Variants in YIPF3 observed in about 807,000 individuals in gnomAD.
YIPF3 encodes the protein protein YIPF3.
YIPF3 carries 18 observed loss-of-function variants against 40.3 expected under a neutral mutation model. The ratio of observed to expected loss-of-function variants is 0.45; its 90% confidence interval spans 0.31 to 0.66. The LOEUF is 0.66. YIPF3 is among the 30% of genes least tolerant of loss of function. YIPF3 has a pLI of 0.07. For missense variants in YIPF3, 406 were observed against 452.2 expected (o/e 0.90, Z 0.93); for synonymous variants, 190 against 179.6 (o/e 1.06, Z -0.46).
At position 43,515,905 on chromosome 6, in the gene YIPF3, C is replaced by T. The variant is rs1248033786; in HGVS notation, c.272G>A (p.Arg91Gln). 5 of 1,598,118 alleles carry T rather than the reference C, an allele frequency of 3.1e-6. No individual in the cohort carries two copies. Among genetic ancestry groups the T allele is most frequent in the African/African-American group, 2.7e-5 (2 of 74,294 alleles). ...GMKGFKGQLS[R>Q]QVADQMWQAG... is the part of the protein sequence containing the mutation. ...CTTGCTTACCTGATCTGCCACCTGC[C>T]GGCTCAGCTGTCCCTTAAAGCCCTT... Residue 91 changes from arginine to glutamine, a missense_variant, in exon 2 of 9, where the codon CGG (arginine) becomes CAG (glutamine). Coordinates refer to ENST00000372422, the MANE Select transcript of YIPF3 (RefSeq NM_015388.4).
chr6:43,513,076 G>A lies in YIPF3; in HGVS notation c.659C>T (p.Ala220Val). ...CCACACCTGGCTCCTTACCAGCAGT[G>A]CCAACATCTGCAGCATGGTGATCTG... ...NAQITMLQML[A>V]LLGYGLFGHC... Residue 220 changes from alanine (A) to valine (V), a missense_variant, in exon 6 of 9, where the codon GCA (alanine) becomes GTA (valine). Physicochemically the swap from Ala to Val is moderately conservative, Grantham distance 64 (BLOSUM62 0). Coordinates refer to ENST00000372422, the MANE Select transcript of YIPF3 (RefSeq NM_015388.4). The A allele has an allele frequency of 6.2e-7, 1 of 1,614,014 alleles. No individual in the cohort carries two copies. The highest frequency in any genetic ancestry group is 8.5e-7 in the Non-Finnish European group (1 of 1,180,018).
chr6:43,512,982 C>T, intron 6 of YIPF3, 87 bp downstream of exon 6: 4 of 1,594,694 alleles, frequency 2.5e-6, no homozygotes, highest in Non-Finnish European at 3.4e-6. Context: ...CCTCCCATTC[C>T]AGGCTTTGGG....
At chr6:43,514,655 C>T (rs1234626873) in intron 3 of YIPF3, among the ~76,000 whole-genome samples, 1 of 152,208 alleles carries the variant, frequency 6.6e-6, no homozygotes, top group Non-Finnish European at 1.5e-5. Flanking sequence ...AAGAGCAAGG[C>T]TCCCATCTAT....
intron 3 of YIPF3, among the ~76,000 whole-genome samples, chr6:43,514,938 G>C (rs187765327): frequency 6.6e-6 from 1 of 151,878 alleles, no homozygotes; most frequent in East Asian, 1.9e-4. Flanking sequence ...AAGATTCCAG[G>C]AATAAGAAAG....
Position 43,516,728 on chromosome 6 carries a change from T to G in YIPF3, c.80A>C (p.Gln27Pro). The G allele has an allele frequency of 6.2e-7, 1 of 1,612,904 alleles. No individual in the cohort carries two copies. Among genetic ancestry groups the G allele is most frequent in the Non-Finnish European group, 8.5e-7 (1 of 1,179,750 alleles). The change falls in exon 1 of 9, where the codon CAG (glutamine) becomes CCG (proline). Residue 27 changes from glutamine to proline, a missense_variant and splice_region_variant. By Grantham distance (76) the Gln-to-Pro change is moderately conservative. Transcript: ENST00000372422. ...PEWGGFEENIQGGGSAVIDME... is the reference protein window; with the variant it reads ...PEWGGFEENIPGGGSAVIDME... ...CAGCTGGTGCCTTGGGGCCATTACC[T>G]GGATGTTTTCTTCGAACCCTCCCCA...
Position 43,512,489 on chromosome 6 carries a change from G to T in YIPF3, c.855C>A (p.His285Gln). ...LLLCGTLAAL[H>Q]MLFLLYLHFA... ...AATGCAGATAGAGCAGGAAGAGCATGTGTAGGGCAGCCAGGGTGCCACAGA... is the reference window on the plus strand; with the variant it reads ...AATGCAGATAGAGCAGGAAGAGCATTTGTAGGGCAGCCAGGGTGCCACAGA... The change falls in exon 8 of 9, where the codon CAC (histidine) becomes CAA (glutamine). Residue 285 changes from histidine (H) to glutamine (Q), a missense_variant. Coordinates refer to ENST00000372422, the MANE Select transcript of YIPF3 (RefSeq NM_015388.4). The T allele has an allele frequency of 4.3e-6, 7 of 1,613,910 alleles. No homozygotes were observed. The highest frequency in any genetic ancestry group is 5.9e-6 in the Non-Finnish European group (7 of 1,180,022).
intron 4 of YIPF3, 26 bp downstream of exon 4, chr6:43,513,562 C>A (rs1792714194): frequency 1.9e-6 from 3 of 1,593,166 alleles, no homozygotes; most frequent in African/African-American, 1.3e-5. Flanking sequence ...TCCCCCGGCT[C>A]TCCAGACATG....
At chr6:43,514,354 G>A (rs1792732155) in intron 3 of YIPF3, among the ~76,000 whole-genome samples, 1 of 152,148 alleles carries the variant, frequency 6.6e-6, no homozygotes, top group Admixed American at 6.5e-5. Flanking sequence ...TAGATGGAAA[G>A]TTTAGAATGA....
rs1311129243 is a variant in YIPF3, at chr6:43,511,942, A to T, written c.*225T>A. On this transcript the variant is annotated 3_prime_UTR_variant, in exon 9 of 9. Coordinates refer to ENST00000372422, the MANE Select transcript of YIPF3 (RefSeq NM_015388.4). ...TGGGGAGGGGTTCTCAAAGGAGCTG[A>T]CCCATTTTCTGCATTGGCTGCAGAG... 11 of 606,840 alleles carry T rather than the reference A, an allele frequency of 1.8e-5. No homozygotes were observed. The highest frequency in any genetic ancestry group is 3.0e-5 in the Non-Finnish European group (11 of 362,886). The allele number at this position is 606,840 out of a possible 1,614,324, so 37.6% of individuals were successfully genotyped here. A position where few individuals can be genotyped will look rare whatever the true frequency, so the allele number is the denominator to read the frequency against.
At chr6:43,516,651 G>A in intron 1 of YIPF3, 76 bp downstream of exon 1, 1 of 1,547,100 alleles carries the variant, frequency 6.5e-7, no homozygotes. Context: ...TCCAGGCCCA[G>A]AGGGGGAATC....
rs755479174 is a variant in YIPF3 at position 43,516,033 on chromosome 6, C to T, written c.144G>A (p.Glu48=). 22 of 1,614,138 alleles carry T rather than the reference C, an allele frequency of 1.4e-5. No homozygotes were observed. Among genetic ancestry groups the T allele is most frequent in the Non-Finnish European group, 1.8e-5 (21 of 1,180,056 alleles). ...GGCGCTGATGCAGCTCACCCATATC[C>T]TCGAAGCTAGAGCCTGAGGTATCAT... The part of the protein sequence containing the change: ...NMDDTSGSSF[E]DMGELHQRLR... Residue 48 remains glutamate (E), a synonymous_variant, in exon 2 of 9, where the codon GAG becomes GAA. Transcript: ENST00000372422.
intron 3 of YIPF3, among the ~76,000 whole-genome samples, chr6:43,514,306 G>A (rs987665313): frequency 6.6e-6 from 1 of 152,110 alleles, no homozygotes; most frequent in Non-Finnish European, 1.5e-5. Flanking sequence ...CAGAATTCAG[G>A]GTTATAATGA....
In YIPF3 at chr6:43,516,786, C is replaced by T. The variant is rs1303504593; in HGVS notation, c.22G>A (p.Ala8Thr). The T allele has an allele frequency of 1.9e-6, 3 of 1,584,218 alleles. No individual in the cohort carries two copies. In the Admixed American group the frequency reaches 5.4e-5, roughly 28 times the overall value. The change falls in exon 1 of 9, where the codon GCG (alanine) becomes ACG (threonine). Residue 8 changes from alanine (A) to threonine (T), a missense_variant. Transcript: ENST00000372422. ...CCAGCTCCATTTCGGGCGCCGCCCG[C>T]CGGCGCCGCTGTAGTTGCCATGTCC... The part of the protein sequence containing the change: MATTAAP[A>T]GGARNGAGPE...
chr6:43,516,469 C>G, intron 1 of YIPF3: 1 of 619,362 alleles, frequency 1.6e-6, no homozygotes, highest in Non-Finnish European at 2.8e-6. Context: ...TTACCCCGAC[C>G]AACCTCCTAA....
In YIPF3 at chr6:43,513,359, G is replaced by C. The variant is rs370055930; in HGVS notation, c.534C>G (p.Ile178Met). The C allele has an allele frequency of 9.3e-6, 15 of 1,614,042 alleles. No homozygotes were observed. The highest frequency in any genetic ancestry group is 1.1e-5 in the Non-Finnish European group (13 of 1,180,008). ...LHGMKTSDTI[I>M]REGTLMGTAI... ...CCCCAAAGTTGTCTGTCCTGCTTAC[G>C]ATAATAGTGTCAGACGTCTTCATCC... Residue 178 changes from isoleucine to methionine, a missense_variant and splice_region_variant, in exon 5 of 9, where the codon ATC becomes ATG. Ile to Met is a conservative substitution (Grantham distance 10, BLOSUM62 1). Coordinates refer to ENST00000372422, the MANE Select transcript of YIPF3 (RefSeq NM_015388.4).
At chr6:43,514,091 A>C (rs1792725688) in intron 3 of YIPF3, among the ~76,000 whole-genome samples, 1 of 152,202 alleles carries the variant, frequency 6.6e-6, no homozygotes, top group African/African-American at 2.4e-5. Flanking sequence ...AATACAAAAA[A>C]TTAGCTGGGC....
In YIPF3 at chr6:43,516,042, A is replaced by G; in HGVS notation, c.135T>C (p.Ser45=). ...DMENMDDTSG[S]SFEDMGELHQ... The stretch of plus-strand genomic sequence containing the variant: ...GCAGCTCACCCATATCCTCGAAGCT[A>G]GAGCCTGAGGTATCATCCATGTTCT... Residue 45 remains serine, a synonymous_variant, in exon 2 of 9, where the codon TCT becomes TCC. Coordinates refer to ENST00000372422, the MANE Select transcript of YIPF3 (RefSeq NM_015388.4). The G allele has an allele frequency of 6.2e-7, 1 of 1,614,250 alleles. No homozygotes were observed. Among genetic ancestry groups the G allele is most frequent in the Non-Finnish European group, 8.5e-7 (1 of 1,180,050 alleles).
At chr6:43,513,796 A>G (rs1371947290) in intron 3 of YIPF3, 163 bp from the exon 4 acceptor site, 2 of 598,812 alleles carry the variant, frequency 3.3e-6, no homozygotes, top group Non-Finnish European at 5.4e-6. Context: ...CAGATAGGGA[A>G]TGAGGAAATC....
Position 43,516,899 on chromosome 6 carries a change from C to G in YIPF3, c.-92G>C. 1 of 1,411,684 alleles carries G rather than the reference C, an allele frequency of 7.1e-7. No individual in the cohort carries two copies. The highest frequency in any genetic ancestry group is 2.5e-5 in the East Asian group (1 of 40,230). 87.4% of individuals were successfully genotyped at this position (1,411,684 alleles called of 1,614,324 possible). ...CCTCCGGAAGGTAGACGTCCAGGGTCGAGGAGAGGTGGGATCGGCCGGAAC... is the reference window on the plus strand; with the variant it reads ...CCTCCGGAAGGTAGACGTCCAGGGTGGAGGAGAGGTGGGATCGGCCGGAAC... On this transcript the variant is annotated 5_prime_UTR_variant, in exon 1 of 9. Coordinates refer to ENST00000372422, the MANE Select transcript of YIPF3 (RefSeq NM_015388.4).
Sources: allele counts gnomAD v4.1 joint callset (sites outside exome capture counted in the v4.1 genomes callset), GRCh38; gene constraint gnomAD v4.1.1; transcripts MANE v1.5; gene names NCBI Gene and HGNC (gene_info 2026-07-23, HGNC 2026-07-21).